The following RRAS2 variants were observed in gnomAD, a reference collection of about 807,000 sequenced individuals.
The protein encoded by RRAS2 is ras-related protein R-Ras2.
Under a neutral mutation model 27.6 loss-of-function variants are expected in RRAS2, and 7 were observed. The ratio of observed to expected loss-of-function variants is 0.25; its 90% CI spans 0.14 to 0.48. RRAS2 has a LOEUF of 0.48. RRAS2 is among the 20% of genes least tolerant of loss of function. The pLI is 0.99. For missense variants in RRAS2, 178 were observed against 256.2 expected (o/e 0.69, Z 2.08); for synonymous variants, 86 against 90.9 (o/e 0.95, Z 0.31).
At chr11:14,294,389 C>G in intron 4 of RRAS2, 82 bp downstream of exon 4, 1 of 936,252 alleles carries the variant, frequency 1.1e-6, no homozygotes, top group South Asian at 2.0e-5. Flanking sequence ...TTTTACTAGA[C>G]TTTCAATTAT....
At chr11:14,348,122 T>TCAA (rs1425310530) in intron 1 of RRAS2, among the ~76,000 whole-genome samples, 32 of 152,184 alleles carry the variant, frequency 2.1e-4, no homozygotes, top group Non-Finnish European at 4.4e-5. Context: ...CTCTGCTTGG[T>TCAA]TCCTTTAGGC....
chr11:14,295,452 CT>C (rs1407820130), intron 2 of RRAS2, among the ~76,000 whole-genome samples: 1 of 152,148 alleles, frequency 6.6e-6, no homozygotes, highest in African/African-American at 2.4e-5. Context: ...CCATTTTAAC[CT>C]TTGCCAAAAG....
rs188978637 is a variant in RRAS2, at chr11:14,331,790, T to C, written c.108+26973A>G. Among the ~76,000 whole-genome samples, 499 of 152,054 alleles carry C rather than the reference T, an allele frequency of 3.3e-3. 2 individuals are homozygous for C. The highest frequency in any genetic ancestry group is 0.011 in the African/African-American group (455 of 41,470). On this transcript the variant is annotated intron_variant, in intron 1 of 5. Coordinates refer to ENST00000256196, the MANE Select transcript of RRAS2 (RefSeq NM_012250.6). ...GATATGGACTAGAAGAAACTATCTG[T>C]AATACACAGCTGACAAAGGATTTGT... is the stretch of plus-strand genomic sequence containing the variant.
intron 1 of RRAS2, among the ~76,000 whole-genome samples, chr11:14,323,941 G>C (rs926476340): frequency 2.0e-5 from 3 of 148,990 alleles, no homozygotes; most frequent in Admixed American, 6.7e-5. Flanking sequence ...AACACTATAA[G>C]AGATATGGAA....
chr11:14,325,049 T>A (rs1554950818), intron 1 of RRAS2, among the ~76,000 whole-genome samples: 1 of 152,168 alleles, frequency 6.6e-6, no homozygotes. Context: ...AAGTTTTACA[T>A]TAAGATGCTA....
chr11:14,291,045 G>C (rs1554945749), intron 4 of RRAS2, among the ~76,000 whole-genome samples: 2 of 152,192 alleles, frequency 1.3e-5, no homozygotes, highest in Non-Finnish European at 2.9e-5. Context: ...GTTGATCATA[G>C]ACAGATGAAC....
At chr11:14,340,877 T>C (rs1249343046) in intron 1 of RRAS2, among the ~76,000 whole-genome samples, 2 of 152,182 alleles carry the variant, frequency 1.3e-5, no homozygotes, top group Non-Finnish European at 1.5e-5. Flanking sequence ...GGAGAGTTCC[T>C]TTCTTGAGGA....
At chr11:14,357,659 CACTAAGTGA>C (rs1554955633) in intron 1 of RRAS2, among the ~76,000 whole-genome samples, 1 of 152,176 alleles carries the variant, frequency 6.6e-6, no homozygotes, top group Middle Eastern at 3.2e-3. Context: ...TCACTATAAA[CACTAAGTGA>C]AATAAGCTAT....
chr11:14,299,952 G>A (rs973078452), intron 1 of RRAS2, among the ~76,000 whole-genome samples: 6 of 152,016 alleles, frequency 3.9e-5, no homozygotes, highest in East Asian at 3.8e-4. Flanking sequence ...CAATTTGCCA[G>A]AAAAGAAAAC....
intron 2 of RRAS2, 129 bp from the exon 3 acceptor site, chr11:14,294,991 T>G: frequency 1.5e-6 from 1 of 685,892 alleles, no homozygotes; most frequent in Admixed American, 2.9e-5. Flanking sequence ...GGCATTCCTT[T>G]CTTAGTACTT....
intron 1 of RRAS2, 138 bp from the exon 2 acceptor site, chr11:14,295,993 CA>C (rs1257858528): frequency 3.2e-6 from 2 of 621,608 alleles, no homozygotes; most frequent in East Asian, 6.0e-5. Context: ...GGCAACACAG[CA>C]AGACTCTTAT....
intron 1 of RRAS2, among the ~76,000 whole-genome samples, chr11:14,329,072 C>T (rs781887453): frequency 5.9e-5 from 4 of 67,248 alleles, no homozygotes; most frequent in South Asian, 1.4e-3. Flanking sequence ...TATACATACA[C>T]ACACACACAC....
At chr11:14,295,684 T>G in intron 2 of RRAS2, 84 bp downstream of exon 2, 1 of 1,054,172 alleles carries the variant, frequency 9.5e-7, no homozygotes, top group African/African-American at 1.6e-5. Context: ...ATTTCAAATA[T>G]ATTATTTAAC....
intron 1 of RRAS2, 160 bp from the exon 2 acceptor site, chr11:14,296,015 A>C: frequency 2.2e-6 from 1 of 446,370 alleles, no homozygotes; most frequent in Non-Finnish European, 3.9e-6. Context: ...CTCTTAAAAA[A>C]AAATTAAAAA....
chr11:14,317,280 T>C (rs1212763481), intron 1 of RRAS2, among the ~76,000 whole-genome samples: 1 of 152,210 alleles, frequency 6.6e-6, no homozygotes, highest in Non-Finnish European at 1.5e-5. Flanking sequence ...GCAGAATATC[T>C]GTATTAATAA....
intron 1 of RRAS2, among the ~76,000 whole-genome samples, chr11:14,346,089 C>T (rs1591487129): frequency 6.6e-6 from 1 of 151,964 alleles, no homozygotes; most frequent in South Asian, 2.1e-4. Context: ...AATATCAGAC[C>T]GAGAAATCAA....
At chr11:14,352,820 T>C (rs1164235577) in intron 1 of RRAS2, among the ~76,000 whole-genome samples, 49 of 150,142 alleles carry the variant, frequency 3.3e-4, no homozygotes, top group Admixed American at 3.1e-3. Context: ...TTTTGAGATA[T>C]AGTCTTGCTG....
intron 1 of RRAS2, among the ~76,000 whole-genome samples, chr11:14,336,805 T>C (rs575028514): frequency 4.6e-5 from 7 of 152,128 alleles, no homozygotes; most frequent in East Asian, 3.9e-4. Flanking sequence ...ACAAGGAGAA[T>C]AGAGCTGAAA....
At chr11:14,286,372 T>A (rs534449185) in intron 4 of RRAS2, among the ~76,000 whole-genome samples, 2 of 152,346 alleles carry the variant, frequency 1.3e-5, no homozygotes, top group South Asian at 4.1e-4. Flanking sequence ...AAATACATTA[T>A]CCTTTCAGGT....
Sources: gnomAD v4.1 joint callset for allele counts (sites outside exome capture counted in the v4.1 genomes callset) on GRCh38, gnomAD v4.1.1 for gene constraint, MANE v1.5 for transcripts, NCBI Gene and HGNC (gene_info 2026-07-23, HGNC 2026-07-21) for gene names.